Variants in DLGAP2 observed in about 807,000 individuals in gnomAD.
The protein encoded by DLGAP2 is DLG associated protein 2.
A neutral mutation model predicts 100.3 loss-of-function variants in DLGAP2; 26 were observed. The ratio of observed to expected loss-of-function variants is 0.26; its 90% CI spans 0.19 to 0.36. The LOEUF (loss-of-function observed/expected upper bound fraction) is 0.36. Among genes scored for constraint, DLGAP2 ranks in the 10% least tolerant of loss-of-function variants. The pLI is 1.00. For synonymous variants in DLGAP2, 886 were observed against 630.1 expected (o/e 1.41, Z -6.08); for missense variants, 1,858 against 1,453.2 (o/e 1.28, Z -4.53).
chr8:1,154,208 G>C (rs532541142), intron 2 of DLGAP2, among the ~76,000 whole-genome samples: 4 of 152,200 alleles, frequency 2.6e-5, no homozygotes, highest in African/African-American at 9.6e-5. Flanking sequence ...TCACTACGGC[G>C]TCGTCCAAGC....
At chr8:1,621,513 C>G (rs374002764) in intron 6 of DLGAP2, 8 of 152,490 alleles carry the variant, frequency 5.2e-5, no homozygotes, top group African/African-American at 1.7e-4. Flanking sequence ...CATGCTGGCT[C>G]TCACTCTCAG....
chr8:1,528,171 C>T (rs564802139), intron 4 of DLGAP2, among the ~76,000 whole-genome samples: 2 of 152,306 alleles, frequency 1.3e-5, no homozygotes, highest in African/African-American at 4.8e-5. Context: ...GCACCTCCTC[C>T]TGGGTTACTG....
chr8:1,555,678 C>T (rs183317025), intron 5 of DLGAP2, among the ~76,000 whole-genome samples: 6 of 152,342 alleles, frequency 3.9e-5, no homozygotes, highest in Admixed American at 2.0e-4. Context: ...TCCTGGGACT[C>T]GGTGTGTCAT....
chr8:965,522 GC>G (rs1344977162), intron 2 of DLGAP2, among the ~76,000 whole-genome samples: 6 of 110,408 alleles, frequency 5.4e-5, no homozygotes, highest in African/African-American at 1.2e-4. Context: ...TGACCCCTGC[GC>G]TGCACACGGC....
chr8:1,434,870 C>G, intron 3 of DLGAP2, among the ~76,000 whole-genome samples: 1 of 152,340 alleles, frequency 6.6e-6, no homozygotes, highest in South Asian at 2.1e-4. Context: ...TCCCCTCCCT[C>G]CTCCATGGTA....
intron 4 of DLGAP2, among the ~76,000 whole-genome samples, chr8:1,506,867 T>C (rs868469874): frequency 6.6e-6 from 1 of 152,198 alleles, no homozygotes; most frequent in Non-Finnish European, 1.5e-5. Flanking sequence ...AGAGCATAGA[T>C]TGGTGCATTT....
chr8:947,696 C>T (rs1370085769), intron 2 of DLGAP2, among the ~76,000 whole-genome samples: 1 of 152,218 alleles, frequency 6.6e-6, no homozygotes, highest in Non-Finnish European at 1.5e-5. Flanking sequence ...CTGCCCACGG[C>T]TCCGGGAAGG....
intron 3 of DLGAP2, among the ~76,000 whole-genome samples, chr8:1,469,636 C>T (rs1285859778): frequency 6.6e-6 from 1 of 152,186 alleles, no homozygotes; most frequent in Non-Finnish European, 1.5e-5. Context: ...ATCACCAATG[C>T]ATCTGCCTCA....
At chr8:1,152,040 C>T (rs1241071708) in intron 2 of DLGAP2, among the ~76,000 whole-genome samples, 1 of 152,202 alleles carries the variant, frequency 6.6e-6, no homozygotes, top group Non-Finnish European at 1.5e-5. Flanking sequence ...TAATGTTTTC[C>T]AAATTAGAAG....
chr8:1,274,352 C>T (rs149817488), intron 3 of DLGAP2, among the ~76,000 whole-genome samples: 415 of 152,032 alleles, frequency 2.7e-3, no homozygotes, highest in African/African-American at 9.4e-3. Flanking sequence ...TAAGCCAGCA[C>T]GTATAAGAAA....
intron 3 of DLGAP2, among the ~76,000 whole-genome samples, chr8:1,476,358 G>A (rs561904283): frequency 7.2e-5 from 11 of 152,166 alleles, no homozygotes; most frequent in South Asian, 2.1e-4. Context: ...GCACATTCTC[G>A]GCTGCATCAC....
At position 1,349,416 on chromosome 8, in the gene DLGAP2, G is replaced by A. The variant is rs1280862591; in HGVS notation, c.106+90533G>A. On this transcript the variant is annotated intron_variant, in intron 3 of 14. Coordinates refer to ENST00000637795, the MANE Select transcript of DLGAP2 (RefSeq NM_001346810.2). ...AGCCTGCCGCCCACATCCACACACA[G>A]GTAGGAAGGGGGTTTGAGGGGAACT... Among the ~76,000 whole-genome samples the A allele has an allele frequency of 4.4e-5, 4 of 91,726 alleles. No individual in the cohort carries two copies. In the East Asian group the frequency reaches 1.1e-3, roughly 26 times the overall value. The allele number at this position is 91,726 out of a possible 152,430, so 60.2% of individuals were successfully genotyped here.
At chr8:1,193,766 T>C (rs11986022) in intron 2 of DLGAP2, among the ~76,000 whole-genome samples, 43,390 of 151,424 alleles carry the variant, frequency 0.29, 7,076 homozygotes, top group African/African-American at 0.45. Flanking sequence ...CAGATCCCAG[T>C]CTCGGCCTCT....
At chr8:1,172,656 T>A (rs1797153765) in intron 2 of DLGAP2, among the ~76,000 whole-genome samples, 1 of 152,180 alleles carries the variant, frequency 6.6e-6, no homozygotes, top group Admixed American at 6.5e-5. Flanking sequence ...GCTGATACCC[T>A]TTCTTCCAGT....
intron 2 of DLGAP2, among the ~76,000 whole-genome samples, chr8:955,618 G>A (rs1292840197): frequency 6.6e-6 from 1 of 152,182 alleles, no homozygotes; most frequent in African/African-American, 2.4e-5. Context: ...ACTACTTGGA[G>A]TGACAGTGCT....
chr8:1,489,745 C>T (rs1238421270), intron 3 of DLGAP2, among the ~76,000 whole-genome samples: 2 of 152,190 alleles, frequency 1.3e-5, no homozygotes, highest in Non-Finnish European at 1.5e-5. Context: ...AGATCACAAA[C>T]CGCATCGAGT....
chr8:1,553,314 C>G (rs7825195), intron 5 of DLGAP2, among the ~76,000 whole-genome samples: 5 of 152,222 alleles, frequency 3.3e-5, no homozygotes, highest in African/African-American at 7.2e-5. Flanking sequence ...GCAACCCTGG[C>G]CCTCCTGGGG....
intron 3 of DLGAP2, among the ~76,000 whole-genome samples, chr8:1,357,292 C>G (rs1383107331): frequency 1.3e-5 from 2 of 152,058 alleles, no homozygotes; most frequent in Non-Finnish European, 2.9e-5. Context: ...CAGTGCTTCT[C>G]TGGCTGATGC....
chr8:1,497,418 G>A (rs1036865506), intron 3 of DLGAP2, among the ~76,000 whole-genome samples: 1 of 152,186 alleles, frequency 6.6e-6, no homozygotes, highest in Admixed American at 6.5e-5. Flanking sequence ...AGAGCGCAGA[G>A]AGAGCTGTAG....
Sources: allele counts gnomAD v4.1 joint callset (sites outside exome capture counted in the v4.1 genomes callset), GRCh38; gene constraint gnomAD v4.1.1; transcripts MANE v1.5; gene names NCBI Gene and HGNC (gene_info 2026-07-23, HGNC 2026-07-21).